FRY: variants seen among roughly 807,000 people sequenced by gnomAD.
FRY encodes the protein FRY microtubule binding protein.
A neutral mutation model predicts 348.4 loss-of-function variants in FRY; 128 were observed. The ratio of observed to expected loss-of-function variants is 0.37; its 90% CI spans 0.32 to 0.43. FRY has a LOEUF of 0.43. FRY is among the 20% of genes least tolerant of loss of function. The probability of loss-of-function intolerance (pLI) is 1.00; values close to 1 mark genes in which losing one functional copy is unlikely to be tolerated. For synonymous variants in FRY, 1,370 were observed against 1,374.7 expected (o/e 1.00, Z 0.08); for missense variants, 2,736 against 3,695.2 (o/e 0.74, Z 6.73).
rs544495434 is a variant in FRY at position 32,116,921 on chromosome 13, C to A, written c.325-413C>A. ...CACTTAGGTTATTTGGTGATGGGGGCAGATTTGTTTATATCATGTAAATTA... is the reference window on the plus strand; with the variant it reads ...CACTTAGGTTATTTGGTGATGGGGGAAGATTTGTTTATATCATGTAAATTA... On this transcript the variant is annotated intron_variant, in intron 3 of 60. Transcript: ENST00000542859. 5.9e-5 allele frequency among the ~76,000 whole-genome samples: 9 copies of A among 152,180 alleles called. No homozygotes were observed. The South Asian group carries it at 1.9e-3, about 32-fold the overall frequency.
intron 1 of FRY, among the ~76,000 whole-genome samples, chr13:32,060,677 A>G (rs902304601): frequency 6.6e-6 from 1 of 152,156 alleles, no homozygotes; most frequent in African/African-American, 2.4e-5. Context: ...TCCAGGGGGC[A>G]GCGTGTGTAT....
intron 1 of FRY, among the ~76,000 whole-genome samples, chr13:32,061,357 A>G (rs1873934820): frequency 6.6e-6 from 1 of 152,148 alleles, no homozygotes; most frequent in Non-Finnish European, 1.5e-5. Context: ...AGATTGTTAT[A>G]TTTTGGAGGC....
intron 7 of FRY, 60 bp from the exon 8 acceptor site, chr13:32,131,612 C>T (rs527426693): frequency 2.6e-6 from 3 of 1,175,942 alleles, no homozygotes; most frequent in Admixed American, 1.7e-5. Context: ...ATGCTGGAGG[C>T]CCCCATTACA....
chr13:32,149,839 G>A lies in FRY; in HGVS notation c.1479+5G>A. 6.4e-7 allele frequency: 1 copy of A among 1,565,068 alleles called. No individual in the cohort carries two copies. The highest frequency in any genetic ancestry group is 8.8e-7 in the Non-Finnish European group (1 of 1,135,188). ...GCATTCAGTCTCAACCCAGAGGTAT[G>A]AATGATCCTTTTATGTACTTCTAAC... On this transcript the variant is annotated splice_donor_5th_base_variant and intron_variant, in intron 14 of 60. Coordinates refer to ENST00000542859, the MANE Select transcript of FRY (RefSeq NM_023037.3).
chr13:32,114,339 A>G (rs1289119582), intron 3 of FRY, among the ~76,000 whole-genome samples: 2 of 152,202 alleles, frequency 1.3e-5, no homozygotes, highest in Non-Finnish European at 2.9e-5. Flanking sequence ...CAGCATAGGT[A>G]CATTATTGTT....
Position 32,209,591 on chromosome 13 carries a change from G to A in FRY, c.4282G>A (p.Asp1428Asn). The A allele has an allele frequency of 6.2e-7, 1 of 1,614,090 alleles. No homozygotes were observed. The highest frequency in any genetic ancestry group is 8.5e-7 in the Non-Finnish European group (1 of 1,179,968). The stretch of plus-strand genomic sequence containing the variant: ...GGTTTTTATTTTGTTATAGTATGGA[G>A]ATGAAGTTCCTGGGCCAGAAATGGA... ...NLMYMTAKYG[D>N]EVPGPEMENA... is the part of the protein sequence containing the mutation. The change falls in exon 33 of 61, where the codon GAT becomes AAT. Residue 1428 changes from aspartate to asparagine, a missense_variant. This residue lies in a region of FRY where 794 missense variants were observed against 977.0 expected (regional missense o/e 0.81). Coordinates refer to ENST00000542859, the MANE Select transcript of FRY (RefSeq NM_023037.3).
chr13:32,063,365 T>G (rs750530613), intron 1 of FRY, among the ~76,000 whole-genome samples: 1 of 152,218 alleles, frequency 6.6e-6, no homozygotes, highest in Non-Finnish European at 1.5e-5. Flanking sequence ...AGAAGCTGGT[T>G]TGTCGTTTCT....
chr13:32,211,828 G>A (rs1884703967), intron 34 of FRY, among the ~76,000 whole-genome samples: 1 of 152,076 alleles, frequency 6.6e-6, no homozygotes, highest in Non-Finnish European at 1.5e-5. Context: ...TCCTCCCTGA[G>A]TCTACTGTCT....
chr13:32,138,615 T>C (rs1879864703), intron 11 of FRY, among the ~76,000 whole-genome samples: 1 of 152,154 alleles, frequency 6.6e-6, no homozygotes, highest in African/African-American at 2.4e-5. Flanking sequence ...TGCAAACTTT[T>C]CAAGCACTAA....
intron 1 of FRY, among the ~76,000 whole-genome samples, chr13:32,055,528 A>G (rs1326934757): frequency 2.0e-5 from 3 of 152,210 alleles, no homozygotes; most frequent in African/African-American, 7.2e-5. Flanking sequence ...CCAGGGATTC[A>G]AATTCTGTAG....
At chr13:32,070,305 A>C (rs1018640758) in intron 1 of FRY, among the ~76,000 whole-genome samples, 5 of 152,130 alleles carry the variant, frequency 3.3e-5, no homozygotes, top group African/African-American at 1.2e-4. Context: ...TTTCTTCCAA[A>C]TGGTTGAACT....
chr13:32,269,366 G>A (rs1230374346), intron 55 of FRY, among the ~76,000 whole-genome samples: 1 of 152,104 alleles, frequency 6.6e-6, no homozygotes. Context: ...TATGGTATGG[G>A]AAGGTGCCTC....
At chr13:32,245,656 C>T (rs1461814479) in intron 47 of FRY, among the ~76,000 whole-genome samples, 4 of 151,848 alleles carry the variant, frequency 2.6e-5, no homozygotes, top group South Asian at 2.1e-4. Flanking sequence ...CACACCAGGA[C>T]GAGTTTCTAG....
At chr13:32,064,110 G>A (rs936799370) in intron 1 of FRY, among the ~76,000 whole-genome samples, 6 of 152,158 alleles carry the variant, frequency 3.9e-5, no homozygotes, top group African/African-American at 1.4e-4. Context: ...ATATGTCATA[G>A]TATGTCAAGA....
intron 1 of FRY, among the ~76,000 whole-genome samples, chr13:32,077,520 C>T (rs748046159): frequency 6.6e-6 from 1 of 152,140 alleles, no homozygotes; most frequent in Admixed American, 6.5e-5. Flanking sequence ...ATATAAGGGG[C>T]TCCTCAACTG....
At chr13:32,141,253 T>A (rs1457804442) in intron 11 of FRY, among the ~76,000 whole-genome samples, 5 of 152,116 alleles carry the variant, frequency 3.3e-5, no homozygotes, top group Non-Finnish European at 5.9e-5. Context: ...TTAGAGATTA[T>A]CCTAAACTGT....
chr13:32,149,889 C>T (rs1880694831), intron 14 of FRY, 55 bp downstream of exon 14: 1 of 1,091,394 alleles, frequency 9.2e-7, no homozygotes, highest in Non-Finnish European at 1.4e-6. Flanking sequence ...GGAGCCATAC[C>T]TTTGCTTTGC....
In FRY at chr13:32,127,647, C is replaced by T. The variant is rs540357815; in HGVS notation, c.716+2772C>T. On this transcript the variant is annotated intron_variant, in intron 7 of 60. Transcript: ENST00000542859. ...AAAAAATATTAGCTGGGAGTGGTGGCACGCACCTGTAATCCCAGCTACTCA... is the reference window on the plus strand; with the variant it reads ...AAAAAATATTAGCTGGGAGTGGTGGTACGCACCTGTAATCCCAGCTACTCA... Among the ~76,000 whole-genome samples, 18 of 152,042 alleles carry T rather than the reference C, an allele frequency of 1.2e-4. No homozygotes were observed. The East Asian group carries it at 3.1e-3, about 26-fold the overall frequency.
Position 32,194,167 on chromosome 13 carries a change from G to A in FRY, c.3616G>A (p.Val1206Ile). ...GGTTCATCAACTTGGCTGCGAAGTT[G>A]TTGTCTTGCTACTGGAACTTAATCC... ...LRVHQLGCEV[V>I]VLLLELNPDQ... The change falls in exon 29 of 61, where the codon GTT (valine) becomes ATT (isoleucine). Residue 1206 changes from valine (V) to isoleucine (I), a missense_variant. Transcript: ENST00000542859. The A allele has an allele frequency of 6.2e-7, 1 of 1,614,078 alleles. No homozygotes were observed. Among genetic ancestry groups the A allele is most frequent in the East Asian group, 2.2e-5 (1 of 44,876 alleles).
Sources: allele counts gnomAD v4.1 joint callset (sites outside exome capture counted in the v4.1 genomes callset), GRCh38; gene constraint gnomAD v4.1.1; regional missense constraint gnomAD v4.1.1; transcripts MANE v1.5; gene names NCBI Gene and HGNC (gene_info 2026-07-23, HGNC 2026-07-21).